MYSM1: variants seen among roughly 807,000 people sequenced by gnomAD.
MYSM1 encodes the protein deubiquitinase MYSM1.
In MYSM1, 51 loss-of-function variants were observed where a neutral mutation model predicts 116.0. The observed-to-expected ratio is 0.44, with a 90% CI of 0.35 to 0.56. MYSM1 has a LOEUF of 0.56. MYSM1 is among the 20% of genes least tolerant of loss of function. MYSM1 has a pLI of 0.00. For synonymous variants in MYSM1, 313 were observed against 315.2 expected (o/e 0.99, Z 0.07); for missense variants, 900 against 974.9 (o/e 0.92, Z 1.02).
chr1:58,657,806 A>G lies in MYSM1; in HGVS notation c.*2191T>C, dbSNP rs1057213768. The G allele has an allele frequency of 6.6e-6, 1 of 152,190 alleles. No individual in the cohort carries two copies. The highest frequency in any genetic ancestry group is 1.5e-5 in the Non-Finnish European group (1 of 68,042). 9.4% of individuals were successfully genotyped at this position (152,190 alleles called of 1,614,324 possible). On this transcript the variant is annotated 3_prime_UTR_variant, in exon 20 of 20. Coordinates refer to ENST00000472487, the MANE Select transcript of MYSM1 (RefSeq NM_001085487.3). ...TCAAGGCCCCAAACTCTTGACAAGT[A>G]TCATCCTTGAGATCCTCGCAATATG...
At chr1:58,675,262 GTACA>G (rs1240836245) in intron 10 of MYSM1, among the ~76,000 whole-genome samples, 3 of 152,158 alleles carry the variant, frequency 2.0e-5, no homozygotes, top group African/African-American at 4.8e-5. Context: ...AAGTTTGCTA[GTACA>G]TTTTAAGGGT....
chr1:58,692,983 A>C (rs777100999), intron 2 of MYSM1, 52 bp from the exon 3 acceptor site: 1 of 1,427,736 alleles, frequency 7.0e-7, no homozygotes, highest in East Asian at 2.3e-5. Context: ...TTTTGAAATT[A>C]TCTTCTGTTT....
chr1:58,678,379 C>G (rs764162084), intron 8 of MYSM1, among the ~76,000 whole-genome samples: 4 of 152,128 alleles, frequency 2.6e-5, no homozygotes, highest in Non-Finnish European at 5.9e-5. Context: ...AAAAACTAGA[C>G]TGAGCTAACT....
chr1:58,692,920 C>T lies in MYSM1; in HGVS notation c.159G>A (p.Leu53=). 6.2e-7 allele frequency: 1 copy of T among 1,606,302 alleles called. No homozygotes were observed. ...RTENGLIPWT[L]DNTISEENRA... ...TGTTCTCTTCACTGATGGTGTTATCCAAGGTCCAAGGCTATTAAAAAAGAG... is the reference window on the plus strand; with the variant it reads ...TGTTCTCTTCACTGATGGTGTTATCTAAGGTCCAAGGCTATTAAAAAAGAG... Residue 53 remains leucine, a synonymous_variant, in exon 3 of 20, where the codon TTG becomes TTA. Transcript: ENST00000472487.
In MYSM1 at chr1:58,677,090, TA is replaced by T. The variant is rs755863033; in HGVS notation, c.1260-35del. Reference sequence around the variant, plus strand: ...GAGACAGAAGTACAATTATTTTGGATAAATAAAAACGTGAAAAAAGATTTCT... The same window carrying T: ...GAGACAGAAGTACAATTATTTTGGATAATAAAAACGTGAAAAAAGATTTCT... On this transcript the variant is annotated intron_variant, in intron 8 of 19. Transcript: ENST00000472487. 1.4e-4 allele frequency: 222 copies of T among 1,550,846 alleles called. 1 individual carries two copies. Among genetic ancestry groups the T allele is most frequent in the Non-Finnish European group, 5.9e-5 (68 of 1,149,544 alleles).
chr1:58,695,052 TAA>T (rs66629118), intron 2 of MYSM1, 75 bp downstream of exon 2: 34,169 of 635,144 alleles, frequency 0.054, 7 homozygotes, highest in South Asian at 0.075. Context: ...GCACTAAGTT[TAA>T]AAAAAAAAAA....
intron 8 of MYSM1, 44 bp from the exon 9 acceptor site, chr1:58,677,100 C>T (rs763482793): frequency 4.6e-6 from 7 of 1,526,756 alleles, no homozygotes; most frequent in Middle Eastern, 1.8e-4. Context: ...TAAATAAAAA[C>T]GTGAAAAAAG....
chr1:58,668,774 C>T, intron 13 of MYSM1, 92 bp from the exon 14 acceptor site: 1 of 1,180,404 alleles, frequency 8.5e-7, no homozygotes, highest in Non-Finnish European at 1.2e-6. Flanking sequence ...TCTCCTTTAT[C>T]CACCCCACCA....
At chr1:58,677,512 A>G (rs1433114423) in intron 8 of MYSM1, among the ~76,000 whole-genome samples, 1 of 152,110 alleles carries the variant, frequency 6.6e-6, no homozygotes, top group Non-Finnish European at 1.5e-5. Context: ...ATGCTTAAAC[A>G]TTTTATATTT....
intron 3 of MYSM1, among the ~76,000 whole-genome samples, chr1:58,691,920 T>C (rs1644911560): frequency 6.6e-6 from 1 of 152,214 alleles, no homozygotes. Context: ...TACAAAAATG[T>C]AAAATTATCT....
chr1:58,666,519 G>T (rs1453577441), intron 16 of MYSM1, among the ~76,000 whole-genome samples: 1 of 93,044 alleles, frequency 1.1e-5, no homozygotes, highest in Non-Finnish European at 2.2e-5. Context: ...TATCAATCTT[G>T]CAATCAGAAA....
At chr1:58,693,603 A>T (rs575146690) in intron 2 of MYSM1, among the ~76,000 whole-genome samples, 1 of 152,260 alleles carries the variant, frequency 6.6e-6, no homozygotes, top group Non-Finnish European at 1.5e-5. Flanking sequence ...TTTGATGCCC[A>T]TATCCAATCT....
At chr1:58,688,236 C>T (rs539185468) in intron 6 of MYSM1, among the ~76,000 whole-genome samples, 1 of 151,604 alleles carries the variant, frequency 6.6e-6, no homozygotes, top group East Asian at 1.9e-4. Context: ...CAAACACAAA[C>T]ATTTTATTCT....
chr1:58,675,719 C>A (rs1644640464), intron 9 of MYSM1, 139 bp from the exon 10 acceptor site: 2 of 567,240 alleles, frequency 3.5e-6, no homozygotes, highest in Non-Finnish European at 3.1e-6. Flanking sequence ...TGCTACTGAG[C>A]ACCCCTCAAA....
intron 19 of MYSM1, among the ~76,000 whole-genome samples, chr1:58,660,436 G>A (rs1227841946): frequency 6.6e-6 from 1 of 152,002 alleles, no homozygotes; most frequent in Non-Finnish European, 1.5e-5. Flanking sequence ...ACGTATTTGC[G>A]ACTTTTCTCC....
intron 8 of MYSM1, 34 bp from the exon 9 acceptor site, chr1:58,677,090 T>C (rs775270629): frequency 6.4e-7 from 1 of 1,550,968 alleles, no homozygotes; most frequent in Non-Finnish European, 8.7e-7. Context: ...TTATTTTGGA[T>C]AAATAAAAAC....
intron 16 of MYSM1, among the ~76,000 whole-genome samples, chr1:58,666,681 T>C (rs1393650937): frequency 1.3e-5 from 2 of 150,404 alleles, no homozygotes; most frequent in African/African-American, 4.9e-5. Context: ...GAGACCAGCC[T>C]GGCTAACATG....
rs1248121214 is a variant in MYSM1 at position 58,681,769 on chromosome 1, T to C, written c.1259+16A>G. Reference sequence around the variant, plus strand: ...TCACGTTTTAAAACAACATCTATAATGTAATTCTTTCTTACCATTGATCCA... The same window carrying C: ...TCACGTTTTAAAACAACATCTATAACGTAATTCTTTCTTACCATTGATCCA... On this transcript the variant is annotated intron_variant, in intron 8 of 19. Coordinates refer to ENST00000472487, the MANE Select transcript of MYSM1 (RefSeq NM_001085487.3). 7 of 1,561,100 alleles carry C rather than the reference T, an allele frequency of 4.5e-6. No homozygotes were observed. Among genetic ancestry groups the C allele is most frequent in the Non-Finnish European group, 6.0e-6 (7 of 1,158,376 alleles).
Position 58,675,468 on chromosome 1 carries a change from A to G in MYSM1, c.1494+9T>C. Reference sequence around the variant, plus strand: ...TGTGGAGAGATCACTGAGAGAGATGACTGCTTACCATAGACTGCAGACGCT... The same window carrying G: ...TGTGGAGAGATCACTGAGAGAGATGGCTGCTTACCATAGACTGCAGACGCT... On this transcript the variant is annotated intron_variant, in intron 10 of 19. Transcript: ENST00000472487. The G allele has an allele frequency of 1.3e-6, 2 of 1,594,248 alleles. No homozygotes were observed. The highest frequency in any genetic ancestry group is 1.7e-6 in the Non-Finnish European group (2 of 1,164,480).
Sources: allele counts gnomAD v4.1 joint callset (sites outside exome capture counted in the v4.1 genomes callset), GRCh38; gene constraint gnomAD v4.1.1; transcripts MANE v1.5; gene names NCBI Gene and HGNC (gene_info 2026-07-23, HGNC 2026-07-21).